Variants in KIF17 observed in about 807,000 individuals in gnomAD.
KIF17 encodes kinesin family member 17.
KIF17 carries 80 observed loss-of-function variants against 96.8 expected under a neutral mutation model. That is an observed-to-expected ratio of 0.83 (90% CI 0.69 to 1.00). KIF17 has a LOEUF of 1.00. KIF17 is among the 50% of genes least tolerant of loss of function. The pLI is 0.00. For missense variants in KIF17, 1,280 were observed against 1,372.9 expected (o/e 0.93, Z 1.07); for synonymous variants, 567 against 587.5 (o/e 0.97, Z 0.51).
chr1:20,673,092 T>C (rs941631053), intron 11 of KIF17: 1 of 152,176 alleles, frequency 6.6e-6, no homozygotes, highest in African/African-American at 2.4e-5. Flanking sequence ...CCAGGTCTGC[T>C]GGCACACGCC....
intron 11 of KIF17, among the ~76,000 whole-genome samples, chr1:20,678,661 A>T (rs1279400246): frequency 1.3e-5 from 2 of 152,072 alleles, no homozygotes; most frequent in African/African-American, 4.8e-5. Context: ...CCCCATGGGG[A>T]GGTAAGCAGA....
At chr1:20,713,204 C>T (rs2154537872) in intron 3 of KIF17, among the ~76,000 whole-genome samples, 1 of 151,242 alleles carries the variant, frequency 6.6e-6, no homozygotes, top group African/African-American at 2.4e-5. Flanking sequence ...CCATGTTGGC[C>T]AGGCTGGTTT....
chr1:20,688,475 C>G (rs2053980325), intron 7 of KIF17, among the ~76,000 whole-genome samples: 1 of 152,234 alleles, frequency 6.6e-6, no homozygotes, highest in African/African-American at 2.4e-5. Context: ...CACCTTCCAC[C>G]TCTTCCAGGA....
At chr1:20,703,990 G>T (rs557476391) in intron 5 of KIF17, among the ~76,000 whole-genome samples, 1 of 152,264 alleles carries the variant, frequency 6.6e-6, no homozygotes, top group East Asian at 1.9e-4. Flanking sequence ...TCCAAGTGTG[G>T]ATTTCCACCT....
chr1:20,704,623 T>C lies in KIF17; in HGVS notation c.947A>G (p.Asp316Gly). 6.2e-7 allele frequency: 1 copy of C among 1,614,116 alleles called. No individual in the cohort carries two copies. Among genetic ancestry groups the C allele is most frequent in the Non-Finnish European group, 8.5e-7 (1 of 1,179,994 alleles). ...GCTGAGTGTCTCATCGTAGTTGTTGTCCGCAGGCGACAGGCAGGCCACCAT... is the reference window on the plus strand; with the variant it reads ...GCTGAGTGTCTCATCGTAGTTGTTGCCCGCAGGCGACAGGCAGGCCACCAT... ...TLMVACLSPA[D>G]NNYDETLSTL... Residue 316 changes from aspartate to glycine, a missense_variant, in exon 5 of 15, where the codon GAC (aspartate) becomes GGC (glycine). Physicochemically the swap from Asp to Gly is moderately conservative, Grantham distance 94. Transcript: ENST00000400463. This position sits in a 1 kb window ranked among gnomAD's most constrained non-coding sequence, Gnocchi z 6.8.
At chr1:20,710,679 C>A (rs2154537592) in intron 3 of KIF17, among the ~76,000 whole-genome samples, 1 of 152,246 alleles carries the variant, frequency 6.6e-6, no homozygotes, top group Middle Eastern at 3.4e-3. Context: ...CCCAGCAGCT[C>A]TAGGGGGGTC....
intron 8 of KIF17, among the ~76,000 whole-genome samples, chr1:20,686,560 C>A (rs150307920): frequency 3.6e-4 from 55 of 151,574 alleles, no homozygotes; most frequent in African/African-American, 1.3e-3. Flanking sequence ...GAAAATAGGA[C>A]TTTTTTTTTC....
intron 11 of KIF17, among the ~76,000 whole-genome samples, chr1:20,677,805 G>A (rs1200002177): frequency 2.0e-5 from 3 of 152,338 alleles, no homozygotes; most frequent in African/African-American, 4.8e-5. Context: ...GCAGTGAGCC[G>A]AGCTCAGGCC....
At chr1:20,686,354 C>G in intron 8 of KIF17, 1 of 594,828 alleles carries the variant, frequency 1.7e-6, no homozygotes, top group Non-Finnish European at 3.0e-6. Context: ...CTGCTGTGTG[C>G]CAGGAGCGTT....
At chr1:20,674,285 A>G (rs1283828947) in intron 11 of KIF17, among the ~76,000 whole-genome samples, 2 of 151,704 alleles carry the variant, frequency 1.3e-5, no homozygotes, top group East Asian at 3.9e-4. Context: ...ATATGCCATA[A>G]AATTCTCACT....
chr1:20,712,461 C>T lies in KIF17; in HGVS notation c.480+993G>A, dbSNP rs1470821205. Among the ~76,000 whole-genome samples, 3 of 144,370 alleles carry T rather than the reference C, an allele frequency of 2.1e-5. No homozygotes were observed. The Admixed American group carries it at 2.2e-4, about 11-fold the overall frequency. 94.7% of individuals were successfully genotyped at this position (144,370 alleles called of 152,430 possible). The stretch of plus-strand genomic sequence containing the variant: ...TGCCTGTAGTCCCAGCTACCGGGGG[C>T]GCTGAGGTGGAAGGCTCAAGGCCAG... On this transcript the variant is annotated intron_variant, in intron 3 of 14. Coordinates refer to ENST00000400463, the MANE Select transcript of KIF17 (RefSeq NM_001122819.3).
chr1:20,715,661 C>A, intron 1 of KIF17, 22 bp from the exon 2 acceptor site: 1 of 1,613,598 alleles, frequency 6.2e-7, no homozygotes, highest in Non-Finnish European at 8.5e-7. Flanking sequence ...GAAGGCAGGA[C>A]CCCGTGCTCA....
chr1:20,704,804 G>A lies in KIF17; in HGVS notation c.766C>T (p.Arg256Trp), dbSNP rs534767695. ...TTGATCTTGGTGGCCTCCTTGAGCC[G>A]CTCGCCCGTGGCCCCGGTCTTGGAC... ...RQSKTGATGERLKEATKINLS... is the reference protein window; with the variant it reads ...RQSKTGATGEWLKEATKINLS... The change falls in exon 5 of 15, where the codon CGG (arginine) becomes TGG (tryptophan). Residue 256 changes from arginine (R) to tryptophan (W), a missense_variant. Transcript: ENST00000400463. The surrounding 1 kb of genome is among the most constrained non-coding windows in gnomAD (Gnocchi z 6.8). 331 of 1,608,428 alleles carry A rather than the reference G, an allele frequency of 2.1e-4. 5 individuals are homozygous for A. The South Asian group carries it at 3.5e-3, about 17-fold the overall frequency.
intron 6 of KIF17, among the ~76,000 whole-genome samples, chr1:20,698,040 T>C (rs1039866109): frequency 2.6e-5 from 4 of 152,284 alleles, no homozygotes; most frequent in Middle Eastern, 3.4e-3. Context: ...AGGGATGCCT[T>C]TTCTGCTTCC....
rs763714504 is a variant in KIF17, at chr1:20,687,703, T to G, written c.1623A>C (p.Ser541=). The change falls in exon 8 of 15, where the codon TCA becomes TCC. Residue 541 remains serine, a synonymous_variant. Transcript: ENST00000400463. The surrounding 1 kb of genome is among the most constrained non-coding windows in gnomAD (Gnocchi z 4.4). ...ACACAGAGGTTTCTTCGAGCGAGGA[T>G]GACTCACTGGAGCCCAGAGAAATCT... The part of the protein sequence containing the change: ...KSEISLGSSE[S]SSLEETSVSE... The G allele has an allele frequency of 1.2e-6, 2 of 1,614,174 alleles. No homozygotes were observed. Among genetic ancestry groups the G allele is most frequent in the Non-Finnish European group, 1.7e-6 (2 of 1,180,032 alleles).
intron 11 of KIF17, among the ~76,000 whole-genome samples, chr1:20,673,780 C>G (rs1474471073): frequency 6.6e-6 from 1 of 152,106 alleles, no homozygotes; most frequent in Admixed American, 6.6e-5. Context: ...ATCCACCCAC[C>G]TCGGCCTCCC....
rs2054201920 is a variant in KIF17, at chr1:20,699,786, G to C, written c.1124-1298C>G. ...AGCCAGGAGGCCAGTGTGGCTGGAG[G>C]GGAGGGAGTGATGGGCAGGACAGGT... On this transcript the variant is annotated intron_variant, in intron 5 of 14. Transcript: ENST00000400463. The surrounding 1 kb of genome is among the most constrained non-coding windows in gnomAD (Gnocchi z 4.3). 6.6e-6 allele frequency among the ~76,000 whole-genome samples: 1 copy of C among 152,164 alleles called. No homozygotes were observed. Among genetic ancestry groups the C allele is most frequent in the Non-Finnish European group, 1.5e-5 (1 of 68,032 alleles).
rs184011497 is a variant in KIF17 at position 20,673,397 on chromosome 1, G to A, written c.2464-1201C>T. Among the ~76,000 whole-genome samples the A allele has an allele frequency of 4.6e-5, 7 of 152,044 alleles. No homozygotes were observed. In the East Asian group the frequency reaches 1.4e-3, roughly 29 times the overall value. On this transcript the variant is annotated intron_variant, in intron 11 of 14. Transcript: ENST00000400463. ...ATTTCTTTTGTTTGTTTGTTTGTTT[G>A]TTTGTTTTAAATAGATACGAGGCTC...
chr1:20,708,622 C>T (rs2054383769), intron 4 of KIF17, among the ~76,000 whole-genome samples: 1 of 152,120 alleles, frequency 6.6e-6, no homozygotes. Flanking sequence ...TCACGGAGAC[C>T]CGGGTTCAAA....
Sources: gnomAD v4.1 joint callset for allele counts (sites outside exome capture counted in the v4.1 genomes callset) on GRCh38, gnomAD v4.1.1 for gene constraint, Gnocchi (gnomAD v3.1) non-coding constraint, MANE v1.5 for transcripts, NCBI Gene and HGNC (gene_info 2026-07-23, HGNC 2026-07-21) for gene names.